EXOC6B: variants seen among roughly 807,000 people sequenced by gnomAD.
EXOC6B encodes exocyst complex component 6B.
EXOC6B carries 54 observed loss-of-function variants against 113.5 expected under a neutral mutation model. The ratio of observed to expected loss-of-function variants is 0.48; its 90% CI spans 0.38 to 0.60. The LOEUF (loss-of-function observed/expected upper bound fraction) is 0.60, where lower values mean the gene tolerates loss of function less well. Among genes scored for constraint, EXOC6B ranks in the 20% least tolerant of loss-of-function variants. EXOC6B has a pLI of 0.00. For synonymous variants in EXOC6B, 357 were observed against 339.0 expected, an observed-to-expected ratio of 1.05 and a Z score of -0.58; for missense variants, 797 against 977.5, an observed-to-expected ratio of 0.82 and a Z score of 2.46.
intron 11 of EXOC6B, among the ~76,000 whole-genome samples, chr2:72,503,655 C>A (rs919848807): frequency 1.3e-5 from 2 of 152,166 alleles, no homozygotes; most frequent in African/African-American, 4.8e-5. Flanking sequence ...CTATACACAT[C>A]TGTGTGAAGG....
chr2:72,715,340 G>T (rs1222300420), intron 6 of EXOC6B, among the ~76,000 whole-genome samples: 1 of 151,440 alleles, frequency 6.6e-6, no homozygotes, highest in Non-Finnish European at 1.5e-5. Flanking sequence ...TGCAGATATA[G>T]ATATATAGAT....
At chr2:72,398,001 AT>A (rs1483630235) in intron 18 of EXOC6B, among the ~76,000 whole-genome samples, 2 of 152,204 alleles carry the variant, frequency 1.3e-5, no homozygotes, top group African/African-American at 4.8e-5. Context: ...GTAATGGTTA[AT>A]TTTATGTGTC....
chr2:72,476,397 A>G (rs1157600322), intron 17 of EXOC6B, among the ~76,000 whole-genome samples: 2 of 152,142 alleles, frequency 1.3e-5, no homozygotes, highest in Non-Finnish European at 2.9e-5. Flanking sequence ...TCATCTACTC[A>G]TTATGTTGGT....
At chr2:72,674,051 A>G (rs1284347672) in intron 6 of EXOC6B, among the ~76,000 whole-genome samples, 1 of 152,138 alleles carries the variant, frequency 6.6e-6, no homozygotes, top group Admixed American at 6.5e-5. Flanking sequence ...CATATTTAAA[A>G]CTTCCCTTCA....
At chr2:72,532,373 C>A (rs1702053606) in intron 8 of EXOC6B, among the ~76,000 whole-genome samples, 2 of 152,072 alleles carry the variant, frequency 1.3e-5, no homozygotes, top group African/African-American at 2.4e-5. Context: ...TATGGTAAAA[C>A]CATACACCAA....
chr2:72,792,223 C>A (rs1005272583), intron 1 of EXOC6B, among the ~76,000 whole-genome samples: 18 of 152,142 alleles, frequency 1.2e-4, no homozygotes, highest in African/African-American at 4.3e-4. Context: ...AATCTTTGTT[C>A]AAATCCCAGC....
chr2:72,597,687 A>G (rs1670161515), intron 6 of EXOC6B, among the ~76,000 whole-genome samples: 1 of 151,958 alleles, frequency 6.6e-6, no homozygotes, highest in South Asian at 2.1e-4. Flanking sequence ...TATGTTGCCT[A>G]TAAGAAACCC....
At chr2:72,717,569 TAACA>T (rs1679702022) in intron 6 of EXOC6B, among the ~76,000 whole-genome samples, 1 of 152,218 alleles carries the variant, frequency 6.6e-6, no homozygotes, top group South Asian at 2.1e-4. Context: ...AAGATTTTTT[TAACA>T]AATGTATATA....
chr2:72,695,407 T>C (rs1677800851), intron 6 of EXOC6B, among the ~76,000 whole-genome samples: 1 of 152,170 alleles, frequency 6.6e-6, no homozygotes, highest in Non-Finnish European at 1.5e-5. Flanking sequence ...ACAAACCTCA[T>C]ATGTTAGGAA....
chr2:72,805,003 G>A (rs1282831986), intron 1 of EXOC6B, among the ~76,000 whole-genome samples: 2 of 152,184 alleles, frequency 1.3e-5, no homozygotes, highest in Admixed American at 6.5e-5. Flanking sequence ...GAATTTCAAA[G>A]TATTTCTAGT....
At chr2:72,334,810 A>G in intron 20 of EXOC6B, 137 bp downstream of exon 20, 1 of 669,986 alleles carries the variant, frequency 1.5e-6, no homozygotes, top group Non-Finnish European at 2.5e-6. Flanking sequence ...GGTGGCCTCA[A>G]ATACAGGGAA....
In EXOC6B at chr2:72,495,406, C is replaced by T. The variant is rs1433794578; in HGVS notation, c.1553+24G>A. The T allele has an allele frequency of 5.5e-6, 7 of 1,265,452 alleles. No homozygotes were observed. In the South Asian group the frequency reaches 8.1e-5, roughly 15 times the overall value. The allele number at this position is 1,265,452 out of a possible 1,614,324, so 78.4% of individuals were successfully genotyped here. ...GGAGTCACAATCTTAGCATTGGTTA[C>T]ATTTCTACTATTTTGTATTATACCT... On this transcript the variant is annotated intron_variant, in intron 15 of 21. Transcript: ENST00000272427.
chr2:72,187,261 A>T (rs1197988015), intron 20 of EXOC6B, among the ~76,000 whole-genome samples: 2 of 152,020 alleles, frequency 1.3e-5, no homozygotes, highest in East Asian at 3.9e-4. Context: ...GGGAGCTCCC[A>T]GGTCTGGGCT....
At chr2:72,510,096 A>C (rs1434793892) in intron 11 of EXOC6B, among the ~76,000 whole-genome samples, 1 of 152,168 alleles carries the variant, frequency 6.6e-6, no homozygotes, top group African/African-American at 2.4e-5. Flanking sequence ...GGCCTCCCAA[A>C]GTGCTGGAAT....
At chr2:72,598,150 A>G (rs962153104) in intron 6 of EXOC6B, among the ~76,000 whole-genome samples, 4 of 151,990 alleles carry the variant, frequency 2.6e-5, no homozygotes, top group African/African-American at 9.7e-5. Context: ...TTACATGGAA[A>G]ATTCACCAAG....
intron 11 of EXOC6B, among the ~76,000 whole-genome samples, chr2:72,505,257 T>A (rs1242806822): frequency 6.6e-6 from 1 of 152,164 alleles, no homozygotes; most frequent in Admixed American, 6.5e-5. Context: ...TGAAATTCAA[T>A]CTTTGGTGTA....
chr2:72,496,555 T>G lies in EXOC6B; in HGVS notation c.1342A>C (p.Ile448Leu). ...LKKWAGIFRN[I>L]LDSDNYSPIP... is the part of the protein sequence containing the mutation. ...GGACTGTAGTTGTCAGAATCAAGTA[T>G]GTTTCTATAAATGGAAGGATAGACA... Residue 448 changes from isoleucine to leucine, a missense_variant, in exon 14 of 22, where the codon ATA (isoleucine) becomes CTA (leucine). By Grantham distance (5) the Ile-to-Leu change is conservative. Coordinates refer to ENST00000272427, the MANE Select transcript of EXOC6B (RefSeq NM_015189.3). 6.3e-7 allele frequency: 1 copy of G among 1,576,158 alleles called. No homozygotes were observed. The highest frequency in any genetic ancestry group is 8.7e-7 in the Non-Finnish European group (1 of 1,155,168).
chr2:72,376,749 CT>C (rs1366007486), intron 19 of EXOC6B, among the ~76,000 whole-genome samples: 1 of 152,064 alleles, frequency 6.6e-6, no homozygotes, highest in East Asian at 1.9e-4. Context: ...TATTGTCTAT[CT>C]TTTCTTCTTT....
intron 18 of EXOC6B, among the ~76,000 whole-genome samples, chr2:72,440,955 T>TA (rs1696162945): frequency 6.6e-6 from 1 of 152,110 alleles, no homozygotes; most frequent in Non-Finnish European, 1.5e-5. Context: ...TACACAATGG[T>TA]AAAGAGTATA....
Sources: gnomAD v4.1 joint callset for allele counts (sites outside exome capture counted in the v4.1 genomes callset) on GRCh38, gnomAD v4.1.1 for gene constraint, MANE v1.5 for transcripts, NCBI Gene and HGNC (gene_info 2026-07-23, HGNC 2026-07-21) for gene names.